Variants in NR2F1-AS1 observed in about 807,000 individuals in gnomAD.
NR2F1-AS1 encodes the protein NR2F1 antisense RNA 1.
At chr5:93,514,203 A>G (rs746328802) in intron 4 of NR2F1-AS1, among the ~76,000 whole-genome samples, 14 of 152,112 alleles carry the variant, frequency 9.2e-5, no homozygotes, top group Non-Finnish European at 2.1e-4. Flanking sequence ...AATTGAGAGG[A>G]AAAAGAGAAA....
At chr5:93,531,104 A>G (rs1419731050) in intron 4 of NR2F1-AS1, among the ~76,000 whole-genome samples, 3 of 152,324 alleles carry the variant, frequency 2.0e-5, no homozygotes, top group African/African-American at 7.2e-5. Context: ...AAACAAATAC[A>G]GAAGAGAAGT....
At chr5:93,423,898 C>A (rs930784954) in intron 4 of NR2F1-AS1, among the ~76,000 whole-genome samples, 1 of 152,150 alleles carries the variant, frequency 6.6e-6, no homozygotes, top group Non-Finnish European at 1.5e-5. Context: ...GGAAGGTCTG[C>A]CTCTCAGACT....
intron 4 of NR2F1-AS1, among the ~76,000 whole-genome samples, chr5:93,415,757 A>G (rs1748954681): frequency 1.3e-5 from 2 of 152,226 alleles, no homozygotes. Context: ...ACACTGCAGA[A>G]AAGCCTGATT....
intron 4 of NR2F1-AS1, among the ~76,000 whole-genome samples, chr5:93,463,185 G>A (rs1454110187): frequency 2.0e-5 from 3 of 152,190 alleles, no homozygotes; most frequent in Non-Finnish European, 2.9e-5. Context: ...TGCCACCTAG[G>A]GAATTGGTGC....
intron 4 of NR2F1-AS1, among the ~76,000 whole-genome samples, chr5:93,470,793 T>G (rs1445455334): frequency 1.3e-5 from 2 of 151,922 alleles, no homozygotes; most frequent in Non-Finnish European, 2.9e-5. Context: ...TTTTACTATT[T>G]CTGATTTTAC....
At chr5:93,503,605 G>T (rs144593412) in intron 4 of NR2F1-AS1, among the ~76,000 whole-genome samples, 80 of 152,228 alleles carry the variant, frequency 5.3e-4, no homozygotes, top group Admixed American at 1.3e-3. Flanking sequence ...TGTACAACGT[G>T]GTTTAAACTA....
At chr5:93,419,570 T>C (rs1333488747) in intron 4 of NR2F1-AS1, among the ~76,000 whole-genome samples, 1 of 151,916 alleles carries the variant, frequency 6.6e-6, no homozygotes, top group Non-Finnish European at 1.5e-5. Flanking sequence ...ACTCTACCTT[T>C]AAAAGAAGTT....
chr5:93,464,547 A>G (rs1750183486), intron 4 of NR2F1-AS1, among the ~76,000 whole-genome samples: 1 of 152,242 alleles, frequency 6.6e-6, no homozygotes, highest in African/African-American at 2.4e-5. Flanking sequence ...GATTAACAGC[A>G]CATGATTAAA....
intron 4 of NR2F1-AS1, among the ~76,000 whole-genome samples, chr5:93,451,569 A>C (rs1204229795): frequency 6.6e-6 from 1 of 151,800 alleles, no homozygotes; most frequent in Non-Finnish European, 1.5e-5. Context: ...CGCCTGGCTT[A>C]TTTTTGTATT....
intron 4 of NR2F1-AS1, among the ~76,000 whole-genome samples, chr5:93,462,175 T>C (rs762803703): frequency 1.1e-4 from 16 of 152,342 alleles, no homozygotes; most frequent in Admixed American, 3.3e-4. Flanking sequence ...TCTTGAATTG[T>C]AACCCCCACA....
intron 1 of NR2F1-AS1, among the ~76,000 whole-genome samples, chr5:93,576,898 G>C (rs768848031): frequency 1.3e-5 from 2 of 152,180 alleles, no homozygotes; most frequent in Non-Finnish European, 2.9e-5. Flanking sequence ...TCCCTGGAAA[G>C]AATAGCCATG....
At chr5:93,562,146 A>G (rs1253884270) in intron 2 of NR2F1-AS1, among the ~76,000 whole-genome samples, 1 of 148,536 alleles carries the variant, frequency 6.7e-6, no homozygotes, top group Non-Finnish European at 1.5e-5. Context: ...CCAGGAGTAT[A>G]AGGCCAGCCT....
At chr5:93,432,250 T>C (rs1749341834) in intron 4 of NR2F1-AS1, 1 of 152,096 alleles carries the variant, frequency 6.6e-6, no homozygotes, top group African/African-American at 2.4e-5. Flanking sequence ...GACCAGGAAA[T>C]CATCACTAGA....
At chr5:93,476,755 G>T (rs1019226015) in intron 4 of NR2F1-AS1, among the ~76,000 whole-genome samples, 19 of 152,048 alleles carry the variant, frequency 1.2e-4, no homozygotes, top group Admixed American at 1.2e-3. Flanking sequence ...TGAGGAAGAA[G>T]ATAACCTGCA....
chr5:93,559,697 G>C (rs1752443224), intron 2 of NR2F1-AS1, among the ~76,000 whole-genome samples: 1 of 152,180 alleles, frequency 6.6e-6, no homozygotes, highest in African/African-American at 2.4e-5. Context: ...GTGTCTCAGG[G>C]AATAGGGTGG....
chr5:93,519,260 G>A (rs1307592668), intron 4 of NR2F1-AS1, among the ~76,000 whole-genome samples: 1 of 152,022 alleles, frequency 6.6e-6, no homozygotes, highest in Non-Finnish European at 1.5e-5. Context: ...GACAGGAATA[G>A]CAGATTTACA....
intron 4 of NR2F1-AS1, among the ~76,000 whole-genome samples, chr5:93,484,618 A>C (rs1750676876): frequency 6.6e-6 from 1 of 152,166 alleles, no homozygotes; most frequent in Non-Finnish European, 1.5e-5. Context: ...CCTTATATGT[A>C]AGCAGACTAA....
intron 4 of NR2F1-AS1, among the ~76,000 whole-genome samples, chr5:93,534,780 A>AT (rs964313182): frequency 2.0e-5 from 3 of 152,192 alleles, no homozygotes; most frequent in Admixed American, 6.5e-5. Context: ...CAAAAATCTG[A>AT]TTTAAAAACC....
In NR2F1-AS1 at chr5:93,514,435, C is replaced by T. The variant is rs188748840; in HGVS notation, n.638+39326G>A. On this transcript the variant is annotated intron_variant and non_coding_transcript_variant, in intron 4 of 5. Coordinates refer to ENST00000660523, the Ensembl canonical transcript of NR2F1-AS1. ...TGCCAAAGGATTTTTACCTCCAGCA[C>T]CCATTAAACATGAAATTCATTCAGG... Among the ~76,000 whole-genome samples, 3 of 152,154 alleles carry T rather than the reference C, an allele frequency of 2.0e-5. No individual in the cohort carries two copies. The East Asian group carries it at 5.8e-4, about 29-fold the overall frequency.
Sources: allele counts gnomAD v4.1 joint callset (sites outside exome capture counted in the v4.1 genomes callset), GRCh38; gene constraint gnomAD v4.1.1; transcripts MANE v1.5; gene names NCBI Gene and HGNC (gene_info 2026-07-23, HGNC 2026-07-21).